The following GMDS variants were observed in gnomAD, a reference collection of about 807,000 sequenced individuals.
The protein encoded by GMDS is GDP-mannose 4,6 dehydratase.
Under a neutral mutation model 49.9 loss-of-function variants are expected in GMDS, and 20 were observed. The observed-to-expected ratio is 0.40, with a 90% CI of 0.28 to 0.58. The LOEUF is 0.58. Ranked by LOEUF, GMDS falls within the 20% of genes least tolerant of loss-of-function variation. GMDS has a pLI of 0.42. For synonymous variants in GMDS, 177 were observed against 178.6 expected (o/e 0.99, Z 0.07); for missense variants, 362 against 481.4 (o/e 0.75, Z 2.32).
At chr6:1,672,339 T>C (rs1179011933) in intron 9 of GMDS, among the ~76,000 whole-genome samples, 13 of 152,344 alleles carry the variant, frequency 8.5e-5, no homozygotes, top group African/African-American at 2.4e-4. Flanking sequence ...TGGGTAGCTA[T>C]GATAGAAGGC....
rs79503250 is a variant in GMDS at position 2,038,130 on chromosome 6, G to A, written c.346-77164C>T. 4.6e-3 allele frequency among the ~76,000 whole-genome samples: 701 copies of A among 152,152 alleles called. 4 individuals carry two copies. The highest frequency in any genetic ancestry group is 0.016 in the African/African-American group (650 of 41,490). Reference sequence around the variant, plus strand: ...TAAATTAAAGCCTGAAGTTGGGCTCGGTCCCTTTTCATTGAAGATCGCCCC... The same window carrying A: ...TAAATTAAAGCCTGAAGTTGGGCTCAGTCCCTTTTCATTGAAGATCGCCCC... On this transcript the variant is annotated intron_variant, in intron 4 of 10. Transcript: ENST00000380815.
chr6:1,859,346 T>C (rs1758082323), intron 7 of GMDS, among the ~76,000 whole-genome samples: 1 of 152,038 alleles, frequency 6.6e-6, no homozygotes, highest in Non-Finnish European at 1.5e-5. Context: ...ACAATAAAAA[T>C]AAAAACCTTC....
At chr6:1,976,394 T>C (rs543860246) in intron 4 of GMDS, among the ~76,000 whole-genome samples, 19 of 152,232 alleles carry the variant, frequency 1.2e-4, no homozygotes, top group Non-Finnish European at 2.2e-4. Context: ...AGTATGTGCC[T>C]AACCCAGTGC....
chr6:2,037,367 T>A (rs753954887), intron 4 of GMDS, among the ~76,000 whole-genome samples: 66 of 152,152 alleles, frequency 4.3e-4, no homozygotes, highest in Non-Finnish European at 7.9e-4. Flanking sequence ...AATAAACCAT[T>A]CCCACTGAAG....
chr6:1,632,028 C>T (rs1476285951), intron 9 of GMDS, among the ~76,000 whole-genome samples: 2 of 152,198 alleles, frequency 1.3e-5, no homozygotes, highest in Admixed American at 6.5e-5. Context: ...GGTGTCTATA[C>T]TACATGGTCA....
intron 7 of GMDS, among the ~76,000 whole-genome samples, chr6:1,762,231 C>G (rs1159616732): frequency 6.6e-6 from 1 of 152,230 alleles, no homozygotes; most frequent in African/African-American, 2.4e-5. Flanking sequence ...AGTCCATAAC[C>G]AGGTATCGGA....
At chr6:2,069,137 G>A (rs1179656070) in intron 4 of GMDS, among the ~76,000 whole-genome samples, 1 of 152,106 alleles carries the variant, frequency 6.6e-6, no homozygotes, top group East Asian at 1.9e-4. Flanking sequence ...TCTGATCTTT[G>A]ACAAACCTGA....
intron 9 of GMDS, among the ~76,000 whole-genome samples, chr6:1,631,034 T>C (rs1056241378): frequency 1.3e-5 from 2 of 152,118 alleles, no homozygotes; most frequent in African/African-American, 4.8e-5. Context: ...GTGTAAAGAT[T>C]TACCCATGCT....
At chr6:1,628,256 A>G (rs1253600903) in intron 9 of GMDS, among the ~76,000 whole-genome samples, 1 of 152,254 alleles carries the variant, frequency 6.6e-6, no homozygotes, top group Non-Finnish European at 1.5e-5. Context: ...AACTCCAGAA[A>G]AGGAGAGACC....
chr6:2,172,950 A>T (rs1205086753), intron 1 of GMDS, among the ~76,000 whole-genome samples: 2 of 152,208 alleles, frequency 1.3e-5, no homozygotes, highest in Non-Finnish European at 2.9e-5. Context: ...TAATATTAAC[A>T]TATTAGGCCA....
At chr6:2,182,986 G>A (rs1486311304) in intron 1 of GMDS, among the ~76,000 whole-genome samples, 1 of 152,156 alleles carries the variant, frequency 6.6e-6, no homozygotes, top group Non-Finnish European at 1.5e-5. Context: ...GGGATTACAG[G>A]TGTGAGCCAC....
In GMDS at chr6:2,115,887, G is replaced by C. The variant is rs182741121; in HGVS notation, c.236-7C>G. ...CCATAGTGCAACTTCATGTCTTCAG[G>C]ATACAAAAACATCCCATTAGATAGA... On this transcript the variant is annotated splice_region_variant and splice_polypyrimidine_tract_variant and intron_variant, in intron 3 of 10. Transcript: ENST00000380815. 1.6e-4 allele frequency: 238 copies of C among 1,494,550 alleles called. No individual in the cohort carries two copies. In the African/African-American group the frequency reaches 3.1e-3, roughly 20 times the overall value. The allele number at this position is 1,494,550 out of a possible 1,614,324, so 92.6% of individuals were successfully genotyped here.
chr6:1,781,856 C>CTT (rs386405898), intron 7 of GMDS, among the ~76,000 whole-genome samples: 65 of 144,282 alleles, frequency 4.5e-4, no homozygotes, highest in East Asian at 1.2e-3. Context: ...CTCAAACCAA[C>CTT]TTTTTTTTTT....
chr6:1,782,354 G>A (rs1172981236), intron 7 of GMDS, among the ~76,000 whole-genome samples: 1 of 152,190 alleles, frequency 6.6e-6, no homozygotes, highest in African/African-American at 2.4e-5. Flanking sequence ...TTTAAGCTCT[G>A]TGAACATTCA....
chr6:1,973,537 T>C (rs948135186), intron 4 of GMDS, among the ~76,000 whole-genome samples: 1 of 152,180 alleles, frequency 6.6e-6, no homozygotes, highest in Non-Finnish European at 1.5e-5. Context: ...GAAGATTTAA[T>C]GTTTGCTGCC....
intron 4 of GMDS, among the ~76,000 whole-genome samples, chr6:1,988,356 A>T (rs1456001523): frequency 0.16 from 8 of 50 alleles, no homozygotes; most frequent in South Asian, 0.5. Context: ...TATACAAGTT[A>T]AAAAAAAAAA....
intron 4 of GMDS, among the ~76,000 whole-genome samples, chr6:1,982,593 G>A (rs1765285295): frequency 6.6e-6 from 1 of 152,080 alleles, no homozygotes; most frequent in African/African-American, 2.4e-5. Flanking sequence ...CACGCAGGCT[G>A]AGAGCAAAAT....
At chr6:2,174,785 TCTCGAA>T in intron 1 of GMDS, among the ~76,000 whole-genome samples, 1 of 152,202 alleles carries the variant, frequency 6.6e-6, no homozygotes, top group South Asian at 2.1e-4. Flanking sequence ...GCCAGGCTGA[TCTCGAA>T]CTCCTGACCT....
chr6:1,821,611 G>GTTTTTTTTTTTTTT (rs3039703), intron 7 of GMDS, among the ~76,000 whole-genome samples: 1 of 109,840 alleles, frequency 9.1e-6, no homozygotes, highest in African/African-American at 3.4e-5. Context: ...CAATTTATTT[G>GTTTTTTTTTTTTTT]TTTTTTTTTT....
Sources: allele counts gnomAD v4.1 joint callset (sites outside exome capture counted in the v4.1 genomes callset), GRCh38; gene constraint gnomAD v4.1.1; transcripts MANE v1.5; gene names NCBI Gene and HGNC (gene_info 2026-07-23, HGNC 2026-07-21).